DNAJA1: variants seen among roughly 807,000 people sequenced by gnomAD.
The protein encoded by DNAJA1 is DnaJ heat shock protein family (Hsp40) member A1.
Under a neutral mutation model 47.6 loss-of-function variants are expected in DNAJA1, and 26 were observed. The observed-to-expected ratio is 0.55, with a 90% CI of 0.40 to 0.76. DNAJA1 has a LOEUF of 0.76. Ranked by LOEUF, DNAJA1 falls within the 30% of genes least tolerant of loss-of-function variation. DNAJA1 has a pLI of 0.00. For synonymous variants in DNAJA1, 165 were observed against 158.4 expected, an observed-to-expected ratio of 1.04 and a Z score of -0.31; for missense variants, 315 against 485.0, an observed-to-expected ratio of 0.65 and a Z score of 3.29.
At chr9:33,027,844 C>CT (rs1642472728) in intron 3 of DNAJA1, among the ~76,000 whole-genome samples, 1 of 151,490 alleles carries the variant, frequency 6.6e-6, no homozygotes, top group African/African-American at 2.4e-5. Flanking sequence ...GAGTGAATCT[C>CT]TGTCACAAAA....
intron 2 of DNAJA1, 79 bp downstream of exon 2, chr9:33,026,695 A>G: frequency 6.4e-7 from 1 of 1,562,996 alleles, no homozygotes; most frequent in Non-Finnish European, 8.6e-7. Context: ...CCTGAAATCG[A>G]GTATCTAATA....
intron 5 of DNAJA1, among the ~76,000 whole-genome samples, chr9:33,032,548 G>T (rs1838976639): frequency 6.6e-6 from 1 of 152,174 alleles, no homozygotes; most frequent in African/African-American, 2.4e-5. Flanking sequence ...CAATTTCCAA[G>T]AACCTATCAA....
intron 8 of DNAJA1, among the ~76,000 whole-genome samples, chr9:33,037,577 G>C (rs1158846933): frequency 6.6e-6 from 1 of 152,196 alleles, no homozygotes; most frequent in African/African-American, 2.4e-5. Context: ...AGCTACTCGG[G>C]AGGCTGAGGT....
At chr9:33,037,198 C>A in intron 8 of DNAJA1, 83 bp downstream of exon 8, 1 of 1,181,658 alleles carries the variant, frequency 8.5e-7, no homozygotes, top group Non-Finnish European at 1.2e-6. Flanking sequence ...CAGCCAGGTG[C>A]AAGTAGCTCA....
intron 1 of DNAJA1, among the ~76,000 whole-genome samples, chr9:33,026,015 A>G (rs552163759): frequency 6.6e-6 from 1 of 152,208 alleles, no homozygotes; most frequent in East Asian, 1.9e-4. Context: ...GGAGCCAGTA[A>G]CCTGTTCTAT....
At chr9:33,038,620 G>C (rs987675090) in intron 8 of DNAJA1, 65 bp from the exon 9 acceptor site, 2 of 1,434,766 alleles carry the variant, frequency 1.4e-6, no homozygotes, top group Non-Finnish European at 1.9e-6. Context: ...GGGGAAAATG[G>C]GTCCATGATA....
At chr9:33,036,724 C>T in intron 7 of DNAJA1, 35 bp downstream of exon 7, 2 of 1,469,740 alleles carry the variant, frequency 1.4e-6, no homozygotes, top group Non-Finnish European at 1.9e-6. Context: ...CTTCTCTTTT[C>T]TATTCTAGTA....
chr9:33,027,112 C>A, intron 3 of DNAJA1, 122 bp downstream of exon 3: 21 of 1,060,028 alleles, frequency 2.0e-5, no homozygotes, highest in East Asian at 2.7e-5. Flanking sequence ...AAACTGACCA[C>A]AAATTGCCTC....
intron 6 of DNAJA1, chr9:33,036,265 GT>G: frequency 1.3e-5 from 2 of 158,988 alleles, no homozygotes; most frequent in Non-Finnish European, 2.7e-5. Context: ...CTTGTGAGTT[GT>G]TTTTTTTTTT....
chr9:33,025,581 A>G (rs1289980387), intron 1 of DNAJA1, among the ~76,000 whole-genome samples, 198 bp downstream of exon 1: 1 of 152,086 alleles, frequency 6.6e-6, no homozygotes, highest in East Asian at 1.9e-4. Flanking sequence ...AATGGGCCCG[A>G]GACCTTTCCT....
chr9:33,039,561 A>ATATATATATATATATATATATATAT lies in DNAJA1; in HGVS notation c.*658_*659insTATATATATATATATATATATATAT, dbSNP rs74178844. The ATATATATATATATATATATATATAT allele has an allele frequency of 8.4e-4, 119 of 141,992 alleles. 1 individual carries two copies. The highest frequency in any genetic ancestry group is 1.4e-3 in the Non-Finnish European group (91 of 62,820). The allele number at this position is 141,992 out of a possible 1,614,324, so 8.8% of individuals were successfully genotyped here. A position where few individuals can be genotyped will look rare whatever the true frequency, so the allele number is the denominator to read the frequency against. The stretch of plus-strand genomic sequence containing the variant: ...CATATATATATACATATATATATAT[A>ATATATATATATATATATATATATAT]ATCTTGACCAGTCCTGGTCATTTGC... On this transcript the variant is annotated 3_prime_UTR_variant, in exon 9 of 9. Transcript: ENST00000330899.
At chr9:33,036,333 A>G in intron 6 of DNAJA1, 1 of 266,176 alleles carries the variant, frequency 3.8e-6, no homozygotes, top group Non-Finnish European at 7.1e-6. Flanking sequence ...CTGATGGTAA[A>G]TGGTAAAGGC....
rs1472154835 is a variant in DNAJA1 at position 33,035,007 on chromosome 9, ATTCTAGC to A, written c.758+678_758+684del. On this transcript the variant is annotated intron_variant, in intron 6 of 8. Coordinates refer to ENST00000330899, the MANE Select transcript of DNAJA1 (RefSeq NM_001539.4). ...TTCAAGGTTATGATCATGCCACTGCATTCTAGCCTGGGTGACAGTAAGAACCCACCTT... is the reference window on the plus strand; with the variant it reads ...TTCAAGGTTATGATCATGCCACTGCACTGGGTGACAGTAAGAACCCACCTT... Among the ~76,000 whole-genome samples the A allele has an allele frequency of 3.2e-3, 469 of 146,502 alleles. 1 individual carries two copies. Among genetic ancestry groups the A allele is most frequent in the African/African-American group, 0.011 (441 of 39,546 alleles).
Position 33,038,933 on chromosome 9 carries a change from A to G in DNAJA1, c.*30A>G. ...CCAGTGAATAACACTCACTGCTGGCATTTAATGTGCAGTAGTGAATGAGTG... is the reference window on the plus strand; with the variant it reads ...CCAGTGAATAACACTCACTGCTGGCGTTTAATGTGCAGTAGTGAATGAGTG... On this transcript the variant is annotated 3_prime_UTR_variant, in exon 9 of 9. Transcript: ENST00000330899. 6.4e-7 allele frequency: 1 copy of G among 1,566,418 alleles called. No individual in the cohort carries two copies. The highest frequency in any genetic ancestry group is 8.7e-7 in the Non-Finnish European group (1 of 1,146,934).
chr9:33,038,142 ATACAGGTGCCCGCCACC>A (rs1170016156), intron 8 of DNAJA1, among the ~76,000 whole-genome samples: 2 of 151,868 alleles, frequency 1.3e-5, no homozygotes, highest in African/African-American at 4.8e-5. Flanking sequence ...GTAGCTGGGA[ATACAGGTGCCCGCCACC>A]ACGCTGGGCT....
intron 5 of DNAJA1, among the ~76,000 whole-genome samples, 160 bp from the exon 6 acceptor site, chr9:33,034,056 A>G (rs886691139): frequency 2.0e-5 from 3 of 152,206 alleles, no homozygotes; most frequent in African/African-American, 7.2e-5. Context: ...CTCCACTATG[A>G]TACCTTTCTT....
At chr9:33,035,781 A>G (rs772503989) in intron 6 of DNAJA1, among the ~76,000 whole-genome samples, 1 of 152,022 alleles carries the variant, frequency 6.6e-6, no homozygotes, top group Non-Finnish European at 1.5e-5. Flanking sequence ...AAGATGTTTT[A>G]TTAATGTGGG....
chr9:33,029,578 T>C (rs1168473550), intron 3 of DNAJA1, among the ~76,000 whole-genome samples: 1 of 152,252 alleles, frequency 6.6e-6, no homozygotes, highest in African/African-American at 2.4e-5. Flanking sequence ...CCCTTTTAAA[T>C]AACATTGGTT....
chr9:33,027,064 C>G, intron 3 of DNAJA1, 74 bp downstream of exon 3: 2 of 1,545,860 alleles, frequency 1.3e-6, no homozygotes, highest in Non-Finnish European at 1.8e-6. Context: ...AGAAATCACC[C>G]ATTTTAAATG....
Sources: gnomAD v4.1 joint callset for allele counts (sites outside exome capture counted in the v4.1 genomes callset) on GRCh38, gnomAD v4.1.1 for gene constraint, MANE v1.5 for transcripts, NCBI Gene and HGNC (gene_info 2026-07-23, HGNC 2026-07-21) for gene names.